DDR2: variants seen among roughly 807,000 people sequenced by gnomAD.
DDR2 encodes the protein discoidin domain receptor tyrosine kinase 2, also known as discoidin domain-containing receptor 2.
DDR2 carries 27 observed loss-of-function variants against 94.9 expected under a neutral mutation model. The ratio of observed to expected loss-of-function variants is 0.28; its 90% CI spans 0.21 to 0.39. The LOEUF is 0.39. DDR2 is among the 10% of genes least tolerant of loss of function. The probability of loss-of-function intolerance (pLI) is 1.00; values close to 1 mark genes in which losing one functional copy is unlikely to be tolerated. For missense variants in DDR2, 783 were observed against 1,076.0 expected, an observed-to-expected ratio of 0.73 and a Z score of 3.81; for synonymous variants, 382 against 377.2, an observed-to-expected ratio of 1.01 and a Z score of -0.15.
intron 2 of DDR2, among the ~76,000 whole-genome samples, chr1:162,696,605 C>T (rs755115055): frequency 1.1e-4 from 17 of 152,090 alleles, no homozygotes; most frequent in Non-Finnish European, 2.1e-4. Context: ...TGATTGGATG[C>T]ACATTTAGTG....
At chr1:162,768,754 T>C (rs1203308598) in intron 11 of DDR2, among the ~76,000 whole-genome samples, 1 of 152,202 alleles carries the variant, frequency 6.6e-6, no homozygotes, top group Admixed American at 6.5e-5. Flanking sequence ...TCTCCTTGCT[T>C]CCCACAAGTA....
intron 2 of DDR2, among the ~76,000 whole-genome samples, chr1:162,710,134 G>A (rs1299351346): frequency 6.6e-6 from 1 of 152,170 alleles, no homozygotes; most frequent in Admixed American, 6.5e-5. Context: ...AAAGGAGTGA[G>A]AGAATAAGAT....
At chr1:162,677,730 T>G (rs185791663) in intron 2 of DDR2, among the ~76,000 whole-genome samples, 121 of 152,272 alleles carry the variant, frequency 7.9e-4, no homozygotes, top group African/African-American at 2.9e-3. Flanking sequence ...CAAGTGAAAA[T>G]GTGGAGGAGG....
At chr1:162,753,862 C>T (rs1571293553) in intron 4 of DDR2, among the ~76,000 whole-genome samples, 2 of 152,042 alleles carry the variant, frequency 1.3e-5, no homozygotes, top group East Asian at 1.9e-4. Context: ...TGGAATTACC[C>T]ATAAGAAAAT....
chr1:162,693,088 A>T (rs561141768), intron 2 of DDR2, among the ~76,000 whole-genome samples: 1 of 152,344 alleles, frequency 6.6e-6, no homozygotes, highest in South Asian at 2.1e-4. Context: ...AAATGGAGTT[A>T]TTATATTTAT....
chr1:162,699,081 G>T (rs1044392382), intron 2 of DDR2, among the ~76,000 whole-genome samples: 1 of 152,156 alleles, frequency 6.6e-6, no homozygotes, highest in Admixed American at 6.5e-5. Flanking sequence ...CTCCCATGAC[G>T]GGAGATTCAG....
chr1:162,784,078 A>T lies in DDR2; in HGVS notation c.*3832A>T, dbSNP rs902018293. The T allele has an allele frequency of 6.6e-6, 1 of 152,186 alleles. No homozygotes were observed. The highest frequency in any genetic ancestry group is 6.5e-5 in the Admixed American group (1 of 15,274). 9.4% of individuals were successfully genotyped at this position (152,186 alleles called of 1,614,324 possible). On this transcript the variant is annotated 3_prime_UTR_variant, in exon 18 of 18. Coordinates refer to ENST00000367921, the MANE Select transcript of DDR2 (RefSeq NM_006182.4). Reference sequence around the variant, plus strand: ...ATACGCATAAGTTAGACAAGATTAAATCTTGTCTGATATCTGCACAAACAG... The same window carrying T: ...ATACGCATAAGTTAGACAAGATTAATTCTTGTCTGATATCTGCACAAACAG...
intron 2 of DDR2, among the ~76,000 whole-genome samples, chr1:162,708,817 C>T (rs928296148): frequency 3.9e-5 from 6 of 152,170 alleles, no homozygotes; most frequent in African/African-American, 1.4e-4. Context: ...TACACATATT[C>T]TCTGAGTACT....
At chr1:162,776,114 G>C (rs187368533) in intron 15 of DDR2, 22 bp from the exon 16 acceptor site, 8 of 1,592,966 alleles carry the variant, frequency 5.0e-6, no homozygotes, top group East Asian at 4.5e-5. Context: ...GCTACCTTCT[G>C]TCTTCTTGTC....
At chr1:162,656,844 T>TTTTTTG (rs1571154080) in intron 2 of DDR2, among the ~76,000 whole-genome samples, 2 of 121,402 alleles carry the variant, frequency 1.6e-5, no homozygotes, top group Admixed American at 9.1e-5. Context: ...TTTTTTTTTT[T>TTTTTTG]TTTTTATTTT....
intron 2 of DDR2, among the ~76,000 whole-genome samples, chr1:162,708,947 A>C (rs1360539083): frequency 6.6e-6 from 1 of 152,212 alleles, no homozygotes; most frequent in Non-Finnish European, 1.5e-5. Flanking sequence ...GCACAGTGAA[A>C]ACCAAAGAGA....
At chr1:162,634,906 C>T (rs992965052) in intron 1 of DDR2, among the ~76,000 whole-genome samples, 3 of 152,218 alleles carry the variant, frequency 2.0e-5, no homozygotes, top group Non-Finnish European at 2.9e-5. Context: ...GCACATCTCC[C>T]TTCATCCTTT....
At chr1:162,682,262 C>T (rs1659447990) in intron 2 of DDR2, among the ~76,000 whole-genome samples, 1 of 152,148 alleles carries the variant, frequency 6.6e-6, no homozygotes, top group Admixed American at 6.5e-5. Context: ...GGGACTTTCC[C>T]CCAGTCACTT....
At chr1:162,763,962 G>A (rs1403957194) in intron 9 of DDR2, among the ~76,000 whole-genome samples, 2 of 152,100 alleles carry the variant, frequency 1.3e-5, no homozygotes, top group Non-Finnish European at 2.9e-5. Context: ...TACTAGCAAC[G>A]TAACTATTGA....
chr1:162,641,769 C>T (rs1657138958), intron 1 of DDR2, among the ~76,000 whole-genome samples: 2 of 152,076 alleles, frequency 1.3e-5, no homozygotes, highest in South Asian at 4.1e-4. Flanking sequence ...GAAAAAATGG[C>T]CTAAGTACTG....
intron 3 of DDR2, among the ~76,000 whole-genome samples, chr1:162,729,080 T>A (rs1661865661): frequency 1.3e-5 from 2 of 151,144 alleles, no homozygotes. Context: ...ATAAACACTA[T>A]GAAACAACAG....
intron 2 of DDR2, among the ~76,000 whole-genome samples, chr1:162,672,243 C>T (rs1413732920): frequency 1.3e-5 from 2 of 152,180 alleles, no homozygotes; most frequent in African/African-American, 4.8e-5. Context: ...ACAATTGTGT[C>T]TGTCTCATAG....
chr1:162,714,986 G>A (rs576319305), intron 2 of DDR2, among the ~76,000 whole-genome samples: 168 of 152,284 alleles, frequency 1.1e-3, no homozygotes, highest in African/African-American at 3.7e-3. Flanking sequence ...TCCTTGACAT[G>A]CTTCCATGTA....
At chr1:162,712,780 C>T (rs879340897) in intron 2 of DDR2, among the ~76,000 whole-genome samples, 10 of 152,120 alleles carry the variant, frequency 6.6e-5, no homozygotes, top group Non-Finnish European at 1.2e-4. Context: ...GGGCTGTGGT[C>T]CTAGAAACAC....
Sources: gnomAD v4.1 joint callset for allele counts (sites outside exome capture counted in the v4.1 genomes callset) on GRCh38, gnomAD v4.1.1 for gene constraint, MANE v1.5 for transcripts, NCBI Gene and HGNC (gene_info 2026-07-23, HGNC 2026-07-21) for gene names.